DOCK9: variants seen among roughly 807,000 people sequenced by gnomAD.
DOCK9 encodes the protein dedicator of cytokinesis protein 9.
In DOCK9, 89 loss-of-function variants were observed where a neutral mutation model predicts 263.3. The ratio of observed to expected loss-of-function variants is 0.34; its 90% CI spans 0.28 to 0.40. DOCK9 has a LOEUF of 0.40. DOCK9 is among the 10% of genes least tolerant of loss of function. The probability of loss-of-function intolerance (pLI) is 1.00; values close to 1 mark genes in which losing one functional copy is unlikely to be tolerated. For missense variants in DOCK9, 2,140 were observed against 2,603.4 expected, an observed-to-expected ratio of 0.82 and a Z score of 3.87; for synonymous variants, 976 against 973.1, an observed-to-expected ratio of 1.00 and a Z score of -0.06.
intron 9 of DOCK9, among the ~76,000 whole-genome samples, chr13:98,911,468 A>G (rs1464087025): frequency 7.9e-5 from 12 of 152,252 alleles, no homozygotes; most frequent in Admixed American, 7.9e-4. Flanking sequence ...AATATACATA[A>G]TAGCACACTA....
intron 47 of DOCK9, among the ~76,000 whole-genome samples, chr13:98,808,943 C>T (rs1249198222): frequency 6.6e-6 from 1 of 152,052 alleles, no homozygotes; most frequent in Non-Finnish European, 1.5e-5. Context: ...TGGTTTAAAA[C>T]ATGCAATATA....
intron 1 of DOCK9, among the ~76,000 whole-genome samples, chr13:99,014,481 T>TA (rs1434810375): frequency 4.6e-5 from 7 of 152,150 alleles, no homozygotes; most frequent in Non-Finnish European, 1.0e-4. Context: ...AGACCCTCCA[T>TA]AAAATGCATC....
At chr13:98,931,523 C>G (rs1199022116) in intron 2 of DOCK9, among the ~76,000 whole-genome samples, 3 of 152,068 alleles carry the variant, frequency 2.0e-5, no homozygotes, top group South Asian at 2.1e-4. Flanking sequence ...TGGTCTCAAT[C>G]TCCTGACCTC....
intron 2 of DOCK9, among the ~76,000 whole-genome samples, chr13:98,934,236 C>T (rs1277681726): frequency 6.6e-6 from 1 of 152,126 alleles, no homozygotes; most frequent in African/African-American, 2.4e-5. Flanking sequence ...CTGGGAGCTT[C>T]TGTTACCTCC....
In DOCK9 at chr13:98,837,586, C is replaced by G; in HGVS notation, c.4222G>C (p.Val1408Leu). ...NHSYGHSDAD[V>L]LHQSLLEANI... ...GCTTCAAGTAATGACTGGTGCAGAA[C>G]ATCTGCGTCCGAGTGGCCATAGCCT... Residue 1408 changes from valine (V) to leucine (L), a missense_variant, in exon 39 of 53, where the codon GTT (valine) becomes CTT (leucine). Around this residue, in one of 2 missense-constraint regions of DOCK9, gnomAD observed 1,521 missense variants for 1,741.7 expected, o/e 0.87. Transcript: ENST00000682017. 2.5e-6 allele frequency: 4 copies of G among 1,613,386 alleles called. No individual in the cohort carries two copies. Among genetic ancestry groups the G allele is most frequent in the East Asian group, 2.2e-5 (1 of 44,858 alleles).
intron 8 of DOCK9, 131 bp from the exon 9 acceptor site, chr13:98,914,526 G>A (rs2050577691): frequency 2.8e-6 from 2 of 706,588 alleles, no homozygotes; most frequent in Admixed American, 2.7e-5. Flanking sequence ...GATGCTCCTG[G>A]GAAACACTTG....
chr13:98,991,896 T>C (rs1224956206), intron 1 of DOCK9, among the ~76,000 whole-genome samples: 2 of 152,040 alleles, frequency 1.3e-5, no homozygotes, highest in African/African-American at 4.8e-5. Context: ...AACATGCTGC[T>C]TGATGATCCT....
Position 98,915,402 on chromosome 13 carries a change from T to A in DOCK9, c.819A>T (p.Thr273=), listed in dbSNP as rs1333040264. 6.2e-7 allele frequency: 1 copy of A among 1,613,896 alleles called. No homozygotes were observed. Among genetic ancestry groups the A allele is most frequent in the Non-Finnish European group, 8.5e-7 (1 of 1,179,886 alleles). ...DSEVEMEEWI[T]ILNKILQLNF... The stretch of plus-strand genomic sequence containing the variant: ...TGAGCTGGAGGATCTTATTTAGAAT[T>A]GTGATCCATTCTTCCATTTCCACTT... Residue 273 remains threonine, a synonymous_variant, in exon 8 of 53, where the codon ACA becomes ACT. Transcript: ENST00000682017.
chr13:98,983,068 G>C (rs1877584103), intron 1 of DOCK9, among the ~76,000 whole-genome samples: 1 of 152,158 alleles, frequency 6.6e-6, no homozygotes, highest in Non-Finnish European at 1.5e-5. Context: ...GTTATTTACT[G>C]TCTTTATTAG....
At chr13:98,854,404 G>A (rs570304025) in intron 34 of DOCK9, 35 of 151,606 alleles carry the variant, frequency 2.3e-4, no homozygotes, top group African/African-American at 7.7e-4. Flanking sequence ...AAAAAATTAT[G>A]CGTGTGTGTG....
At chr13:98,950,363 G>C in intron 2 of DOCK9, 2 of 927,338 alleles carry the variant, frequency 2.2e-6, no homozygotes. Context: ...TGCTTTGCCT[G>C]AGTGGCTTTG....
At chr13:98,885,177 G>A (rs2026024) in intron 20 of DOCK9, 85 bp from the exon 21 acceptor site, 317,905 of 1,534,646 alleles carry the variant, frequency 0.21, 36,393 homozygotes, top group East Asian at 0.36. Context: ...AAAACCGTCT[G>A]ATTTTTAAGA....
chr13:99,015,566 T>G (rs1434401238), intron 1 of DOCK9: 2 of 1,598,240 alleles, frequency 1.3e-6, no homozygotes, highest in Non-Finnish European at 1.7e-6. Context: ...TCAAAAACGG[T>G]GCGGATGCCT....
chr13:98,830,083 A>G (rs2092700261), intron 41 of DOCK9, among the ~76,000 whole-genome samples: 1 of 152,250 alleles, frequency 6.6e-6, no homozygotes, highest in Non-Finnish European at 1.5e-5. Flanking sequence ...CAAGAGGGAG[A>G]CATGATTTAT....
chr13:98,866,933 T>TTAAAAA (rs2094043718), intron 30 of DOCK9: 7 of 244,082 alleles, frequency 2.9e-5, no homozygotes, highest in South Asian at 2.3e-4. Flanking sequence ...TATGGCAAGT[T>TTAAAAA]TAAAAATTGA....
intron 1 of DOCK9, among the ~76,000 whole-genome samples, chr13:99,008,425 G>C (rs1664493357): frequency 6.6e-6 from 1 of 151,804 alleles, no homozygotes. Flanking sequence ...GTAGAGACGG[G>C]GTTTCACCAT....
chr13:98,930,423 T>C (rs1371891824), intron 2 of DOCK9, among the ~76,000 whole-genome samples, 166 bp from the exon 3 acceptor site: 1 of 152,180 alleles, frequency 6.6e-6, no homozygotes, highest in African/African-American at 2.4e-5. Flanking sequence ...CAGATTCCAC[T>C]GGGCAGCCTC....
intron 1 of DOCK9, among the ~76,000 whole-genome samples, chr13:99,040,445 T>A (rs1888348158): frequency 6.6e-6 from 1 of 151,568 alleles, no homozygotes. Flanking sequence ...ACAAAAAAAA[T>A]CCTGATGCTG....
At chr13:98,807,519 A>C (rs1185827945) in intron 48 of DOCK9, 142 bp downstream of exon 48, 16 of 659,202 alleles carry the variant, frequency 2.4e-5, no homozygotes, top group Non-Finnish European at 3.6e-5. Context: ...TAAAGGTATC[A>C]GGAAGAAAAT....
Sources: allele counts gnomAD v4.1 joint callset (sites outside exome capture counted in the v4.1 genomes callset), GRCh38; gene constraint gnomAD v4.1.1; regional missense constraint gnomAD v4.1.1; transcripts MANE v1.5; gene names NCBI Gene and HGNC (gene_info 2026-07-23, HGNC 2026-07-21).